Variants in NRXN3 observed in about 807,000 individuals in gnomAD.
NRXN3 encodes the protein neurexin 3.
A neutral mutation model predicts 137.6 loss-of-function variants in NRXN3; 32 were observed. The observed-to-expected ratio is 0.23, with a 90% CI of 0.18 to 0.31. NRXN3 has a LOEUF of 0.31. Among genes scored for constraint, NRXN3 ranks in the 10% least tolerant of loss-of-function variants. The probability of loss-of-function intolerance (pLI) is 1.00; values close to 1 mark genes in which losing one functional copy is unlikely to be tolerated. For synonymous variants in NRXN3, 798 were observed against 784.5 expected, an observed-to-expected ratio of 1.02 and a Z score of -0.29; for missense variants, 1,574 against 2,062.5, an observed-to-expected ratio of 0.76 and a Z score of 4.59.
At chr14:79,125,928 C>G (rs754631222) in intron 15 of NRXN3, among the ~76,000 whole-genome samples, 4 of 152,066 alleles carry the variant, frequency 2.6e-5, no homozygotes, top group African/African-American at 4.8e-5. Flanking sequence ...CAACTCCTTT[C>G]GTTAAAAGCA....
chr14:78,335,596 A>T (rs2081368896), intron 4 of NRXN3, among the ~76,000 whole-genome samples: 1 of 152,244 alleles, frequency 6.6e-6, no homozygotes, highest in African/African-American at 2.4e-5. Context: ...AAAATAAAGT[A>T]GACACATTAA....
chr14:79,625,826 G>A (rs221492), intron 16 of NRXN3, among the ~76,000 whole-genome samples: 50,964 of 152,008 alleles, frequency 0.34, 11,504 homozygotes, highest in African/African-American at 0.65. Flanking sequence ...AAGTGTAGCA[G>A]TTAAGAACTC....
chr14:78,259,288 A>C (rs1242885562), intron 2 of NRXN3, among the ~76,000 whole-genome samples: 1 of 152,252 alleles, frequency 6.6e-6, no homozygotes, highest in African/African-American at 2.4e-5. Flanking sequence ...CAAGAACTCA[A>C]AGATCTGAAA....
At chr14:79,275,763 A>G (rs1248410781) in intron 15 of NRXN3, among the ~76,000 whole-genome samples, 1 of 151,754 alleles carries the variant, frequency 6.6e-6, no homozygotes, top group Non-Finnish European at 1.5e-5. Context: ...GCAAGAGGAG[A>G]AGGTTTATAA....
chr14:79,276,586 T>C (rs1364781861), intron 15 of NRXN3, among the ~76,000 whole-genome samples: 9 of 152,168 alleles, frequency 5.9e-5, no homozygotes. Flanking sequence ...TTCCAGATTT[T>C]GTACTGCATT....
chr14:78,188,212 T>C (rs555558932), intron 1 of NRXN3, among the ~76,000 whole-genome samples: 4 of 152,268 alleles, frequency 2.6e-5, no homozygotes, highest in South Asian at 2.1e-4. Context: ...TAGAAAAAGA[T>C]TGTAGTCTAA....
chr14:79,216,718 A>AATATTGGTTTTC (rs1448733769), intron 15 of NRXN3, among the ~76,000 whole-genome samples: 1 of 152,186 alleles, frequency 6.6e-6, no homozygotes, highest in Non-Finnish European at 1.5e-5. Flanking sequence ...GCAACCAATC[A>AATATTGGTTTTC]ATATTACTTT....
intron 4 of NRXN3, among the ~76,000 whole-genome samples, chr14:78,543,960 T>G (rs2096615371): frequency 6.6e-6 from 1 of 152,164 alleles, no homozygotes; most frequent in Non-Finnish European, 1.5e-5. Flanking sequence ...GTGCATAGAA[T>G]GAATATTAAA....
At chr14:79,423,882 TA>T (rs2095617774) in intron 15 of NRXN3, among the ~76,000 whole-genome samples, 1 of 152,176 alleles carries the variant, frequency 6.6e-6, no homozygotes, top group Non-Finnish European at 1.5e-5. Context: ...TAGTTAAATA[TA>T]AAGTTGAAAT....
chr14:78,986,993 A>C (rs2099507957), intron 14 of NRXN3, among the ~76,000 whole-genome samples: 1 of 138,812 alleles, frequency 7.2e-6, no homozygotes, highest in African/African-American at 2.7e-5. Context: ...ACTGCACTCC[A>C]GTCTAGCAAC....
Position 78,665,932 on chromosome 14 carries a change from G to A in NRXN3, c.1221+14606G>A, listed in dbSNP as rs1241244061. 4.6e-5 allele frequency among the ~76,000 whole-genome samples: 7 copies of A among 152,138 alleles called. No individual in the cohort carries two copies. In the East Asian group the frequency reaches 1.4e-3, roughly 29 times the overall value. ...TCATTTTCCTTTTATCCCATATCTA[G>A]GTTGATTTTCTCTTTTTCTTTATCC... On this transcript the variant is annotated intron_variant, in intron 6 of 20. Transcript: ENST00000335750.
chr14:78,442,101 GAA>G (rs56402426), intron 4 of NRXN3, among the ~76,000 whole-genome samples: 16,673 of 130,082 alleles, frequency 0.13, 1,147 homozygotes, highest in East Asian at 0.33. Context: ...GTCTCAAAAA[GAA>G]AAAAAAAAAA....
At chr14:78,786,071 A>T (rs1047971795) in intron 8 of NRXN3, among the ~76,000 whole-genome samples, 2 of 152,206 alleles carry the variant, frequency 1.3e-5, no homozygotes, top group Non-Finnish European at 2.9e-5. Context: ...TAATAAGGTT[A>T]CTTCTATTCA....
In NRXN3 at chr14:79,680,081, A is replaced by G. The variant is rs150354854; in HGVS notation, c.3617-12092A>G. Reference sequence around the variant, plus strand: ...CATGCTAAAGAAATGCCCCTTAAATAGTACCTATAACATCCTAAGGAAATG... The same window carrying G: ...CATGCTAAAGAAATGCCCCTTAAATGGTACCTATAACATCCTAAGGAAATG... On this transcript the variant is annotated intron_variant, in intron 17 of 20. Transcript: ENST00000335750. 7.2e-5 allele frequency among the ~76,000 whole-genome samples: 11 copies of G among 152,326 alleles called. No individual in the cohort carries two copies. In the East Asian group the frequency reaches 2.1e-3, roughly 29 times the overall value.
intron 16 of NRXN3, among the ~76,000 whole-genome samples, chr14:79,607,326 G>A (rs1209242721): frequency 6.6e-6 from 1 of 152,234 alleles, no homozygotes; most frequent in East Asian, 1.9e-4. Flanking sequence ...CTTTCTTCTG[G>A]CCTACAAATC....
At chr14:79,240,141 C>A (rs542874300) in intron 15 of NRXN3, among the ~76,000 whole-genome samples, 8 of 152,244 alleles carry the variant, frequency 5.3e-5, no homozygotes, top group African/African-American at 1.9e-4. Flanking sequence ...TATAACATCA[C>A]TGTGTACCAT....
intron 15 of NRXN3, among the ~76,000 whole-genome samples, chr14:79,131,272 A>G (rs1470620032): frequency 6.6e-6 from 1 of 151,858 alleles, no homozygotes; most frequent in African/African-American, 2.4e-5. Context: ...TAGAGTTTCC[A>G]GTTTTTCTGC....
At chr14:78,501,475 G>A (rs2095875113) in intron 4 of NRXN3, among the ~76,000 whole-genome samples, 1 of 152,152 alleles carries the variant, frequency 6.6e-6, no homozygotes, top group Non-Finnish European at 1.5e-5. Flanking sequence ...AAACAAGACA[G>A]AAGCTATAGT....
At chr14:78,971,060 G>C (rs2099437371) in intron 14 of NRXN3, among the ~76,000 whole-genome samples, 1 of 152,152 alleles carries the variant, frequency 6.6e-6, no homozygotes, top group South Asian at 2.1e-4. Flanking sequence ...AATGGGTTAA[G>C]GCATAAATTA....
Sources: allele counts gnomAD v4.1 joint callset (sites outside exome capture counted in the v4.1 genomes callset), GRCh38; gene constraint gnomAD v4.1.1; transcripts MANE v1.5; gene names NCBI Gene and HGNC (gene_info 2026-07-23, HGNC 2026-07-21).